Variants in TCF7L1 observed in about 807,000 individuals in gnomAD.
The protein encoded by TCF7L1 is transcription factor 7 like 1, also known as transcription factor 7-like 1.
Under a neutral mutation model 63.7 loss-of-function variants are expected in TCF7L1, and 18 were observed. The ratio of observed to expected loss-of-function variants is 0.28; its 90% CI spans 0.20 to 0.42. The LOEUF (loss-of-function observed/expected upper bound fraction) is 0.42. TCF7L1 is among the 10% of genes least tolerant of loss of function. TCF7L1 has a pLI of 1.00. For synonymous variants in TCF7L1, 355 were observed against 340.9 expected, an observed-to-expected ratio of 1.04 and a Z score of -0.46; for missense variants, 654 against 779.3, an observed-to-expected ratio of 0.84 and a Z score of 1.91.
At chr2:85,278,588 G>T (rs74935623) in intron 3 of TCF7L1, among the ~76,000 whole-genome samples, 1 of 152,160 alleles carries the variant, frequency 6.6e-6, no homozygotes, top group Admixed American at 6.5e-5. Flanking sequence ...GGTAAATGCC[G>T]AGAGAAAAAT....
chr2:85,190,501 T>C (rs1035049100), intron 3 of TCF7L1, among the ~76,000 whole-genome samples: 1 of 151,980 alleles, frequency 6.6e-6, no homozygotes, highest in Non-Finnish European at 1.5e-5. Context: ...CAGTTGGTGG[T>C]AGATGTGGAG....
intron 3 of TCF7L1, among the ~76,000 whole-genome samples, chr2:85,177,868 C>T (rs1435780926): frequency 6.6e-6 from 1 of 152,124 alleles, no homozygotes; most frequent in Non-Finnish European, 1.5e-5. Context: ...GTGGTTTCTT[C>T]ATTTCATTAT....
chr2:85,164,903 GGTT>G (rs1192748233), intron 3 of TCF7L1, among the ~76,000 whole-genome samples: 1 of 152,186 alleles, frequency 6.6e-6, no homozygotes, highest in African/African-American at 2.4e-5. Context: ...TCAGAATTAA[GGTT>G]GTTATGAGAT....
intron 3 of TCF7L1, among the ~76,000 whole-genome samples, chr2:85,248,919 C>T (rs894694949): frequency 1.3e-5 from 2 of 151,974 alleles, no homozygotes; most frequent in South Asian, 2.1e-4. Flanking sequence ...TCCAGCAACC[C>T]GTGCCTCCTC....
chr2:85,143,062 A>G (rs1023124913), intron 3 of TCF7L1, among the ~76,000 whole-genome samples: 3 of 152,180 alleles, frequency 2.0e-5, no homozygotes, highest in African/African-American at 7.2e-5. Context: ...CTTTTTCAGG[A>G]GTTTTTGTGG....
chr2:85,244,086 A>C (rs1425513294), intron 3 of TCF7L1, among the ~76,000 whole-genome samples: 2 of 152,330 alleles, frequency 1.3e-5, no homozygotes, highest in Middle Eastern at 3.4e-3. Context: ...AGAGCACGCC[A>C]GGCAGAGGGA....
intron 11 of TCF7L1, among the ~76,000 whole-genome samples, chr2:85,308,751 C>G (rs1348593030): frequency 6.6e-6 from 1 of 152,096 alleles, no homozygotes; most frequent in Non-Finnish European, 1.5e-5. Flanking sequence ...CCAAAAGTTA[C>G]CAGCTTTAGG....
At chr2:85,212,328 C>T (rs892476823) in intron 3 of TCF7L1, among the ~76,000 whole-genome samples, 1 of 152,280 alleles carries the variant, frequency 6.6e-6, no homozygotes. Context: ...CTGACCTCTT[C>T]TGTACATCTG....
chr2:85,242,356 A>G (rs1186736230), intron 3 of TCF7L1, among the ~76,000 whole-genome samples: 1 of 152,186 alleles, frequency 6.6e-6, no homozygotes. Flanking sequence ...ATTTGTGAAC[A>G]TGTCGCGCTT....
intron 4 of TCF7L1, among the ~76,000 whole-genome samples, chr2:85,299,763 G>A (rs1237492502): frequency 6.6e-6 from 1 of 151,534 alleles, no homozygotes; most frequent in African/African-American, 2.4e-5. Context: ...GGAGGCTGAG[G>A]TGGGAGGATT....
At chr2:85,151,813 T>TG (rs1678023055) in intron 3 of TCF7L1, among the ~76,000 whole-genome samples, 1 of 152,172 alleles carries the variant, frequency 6.6e-6, no homozygotes, top group African/African-American at 2.4e-5. Flanking sequence ...TGAAGCCATA[T>TG]GTGGCCCACC....
chr2:85,293,345 T>C (rs543232849), intron 4 of TCF7L1, among the ~76,000 whole-genome samples: 1 of 152,252 alleles, frequency 6.6e-6, no homozygotes, highest in Admixed American at 6.5e-5. Context: ...TTATAAGATC[T>C]GGTCATTTAA....
intron 3 of TCF7L1, among the ~76,000 whole-genome samples, chr2:85,224,852 C>T (rs1322779637): frequency 6.6e-6 from 1 of 152,118 alleles, no homozygotes; most frequent in Non-Finnish European, 1.5e-5. Flanking sequence ...GAAGTCTTTG[C>T]CCATGCCTAT....
chr2:85,241,096 A>C (rs1274434383), intron 3 of TCF7L1, among the ~76,000 whole-genome samples: 1 of 152,226 alleles, frequency 6.6e-6, no homozygotes, highest in African/African-American at 2.4e-5. Flanking sequence ...AGAAAGTACA[A>C]GTTCTCAGAG....
At chr2:85,236,939 C>T (rs987065552) in intron 3 of TCF7L1, among the ~76,000 whole-genome samples, 1 of 152,214 alleles carries the variant, frequency 6.6e-6, no homozygotes, top group African/African-American at 2.4e-5. Context: ...CAGCTCTTTG[C>T]ATCCCTCAGA....
intron 3 of TCF7L1, among the ~76,000 whole-genome samples, chr2:85,258,513 T>C (rs1041741836): frequency 2.6e-5 from 4 of 152,138 alleles, no homozygotes; most frequent in Non-Finnish European, 4.4e-5. Context: ...TAGGACAAGA[T>C]GGAACTGGGA....
intron 3 of TCF7L1, among the ~76,000 whole-genome samples, chr2:85,256,856 A>C (rs1680730952): frequency 1.3e-5 from 2 of 152,034 alleles, no homozygotes; most frequent in Admixed American, 1.3e-4. Context: ...GGTGGCGGGC[A>C]TCTGTAATCC....
At position 85,134,594 on chromosome 2, in the gene TCF7L1, C is replaced by A; in HGVS notation, c.441+144C>A. 5 of 1,166,014 alleles carry A rather than the reference C, an allele frequency of 4.3e-6. No homozygotes were observed. Among genetic ancestry groups the A allele is most frequent in the East Asian group, 2.7e-5 (1 of 37,228 alleles). The allele number at this position is 1,166,014 out of a possible 1,614,324, so 72.2% of individuals were successfully genotyped here. On this transcript the variant is annotated intron_variant, in intron 3 of 11. Transcript: ENST00000282111. This position sits in a 1 kb window ranked among gnomAD's most constrained non-coding sequence, Gnocchi z 5.0. The stretch of plus-strand genomic sequence containing the variant: ...TTTGCGGAGTTGAACTACTCTCTGG[C>A]GGCCGAGCGCGAGGCTGCGCTGGCC...
rs559596539 is a variant in TCF7L1 at position 85,139,816 on chromosome 2, C to T, written c.441+5366C>T. On this transcript the variant is annotated intron_variant, in intron 3 of 11. Transcript: ENST00000282111. ...TCCATTTGCCTGGAAGGAGAAGGGGCCAGGACATGGGCTAGGGGACCTAGA... is the reference window on the plus strand; with the variant it reads ...TCCATTTGCCTGGAAGGAGAAGGGGTCAGGACATGGGCTAGGGGACCTAGA... 9.2e-5 allele frequency among the ~76,000 whole-genome samples: 14 copies of T among 152,108 alleles called. No individual in the cohort carries two copies. In the South Asian group the frequency reaches 2.9e-3, roughly 32 times the overall value.
Sources: gnomAD v4.1 joint callset for allele counts (sites outside exome capture counted in the v4.1 genomes callset) on GRCh38, gnomAD v4.1.1 for gene constraint, Gnocchi (gnomAD v3.1) non-coding constraint, MANE v1.5 for transcripts, NCBI Gene and HGNC (gene_info 2026-07-23, HGNC 2026-07-21) for gene names.